CSMD1: variants seen among roughly 807,000 people sequenced by gnomAD.
CSMD1 encodes the protein CUB and sushi domain-containing protein 1.
CSMD1 carries 213 observed loss-of-function variants against 417.5 expected under a neutral mutation model. The ratio of observed to expected loss-of-function variants is 0.51; its 90% CI spans 0.46 to 0.57. The LOEUF is 0.57. Among genes scored for constraint, CSMD1 ranks in the 20% least tolerant of loss-of-function variants. CSMD1 has a pLI of 0.00. For missense variants in CSMD1, 6,923 were observed against 4,529.7 expected, an observed-to-expected ratio of 1.53 and a Z score of -15.17; for synonymous variants, 2,862 against 1,736.8, an observed-to-expected ratio of 1.65 and a Z score of -16.11.
chr8:4,284,689 A>C (rs1796965181), intron 3 of CSMD1, among the ~76,000 whole-genome samples: 1 of 152,192 alleles, frequency 6.6e-6, no homozygotes, highest in Non-Finnish European at 1.5e-5. Flanking sequence ...TGACAGATAT[A>C]AAACACTAAA....
chr8:3,792,971 G>A (rs1032167023), intron 5 of CSMD1, among the ~76,000 whole-genome samples: 3 of 152,084 alleles, frequency 2.0e-5, no homozygotes, highest in Non-Finnish European at 2.9e-5. Flanking sequence ...AAGGATCACC[G>A]TCTAGAACCA....
intron 3 of CSMD1, among the ~76,000 whole-genome samples, chr8:4,345,903 G>A (rs1309961584): frequency 1.3e-5 from 2 of 152,068 alleles, no homozygotes; most frequent in East Asian, 1.9e-4. Context: ...TGTGTATTCA[G>A]TCAAGACGTA....
At chr8:3,503,666 G>A (rs1023084974) in intron 10 of CSMD1, among the ~76,000 whole-genome samples, 1 of 152,184 alleles carries the variant, frequency 6.6e-6, no homozygotes, top group Admixed American at 6.5e-5. Context: ...GAGAGAATTA[G>A]TCTCAGCTCA....
At chr8:4,056,921 A>T (rs1334924220) in intron 3 of CSMD1, among the ~76,000 whole-genome samples, 2 of 152,130 alleles carry the variant, frequency 1.3e-5, no homozygotes, top group African/African-American at 2.4e-5. Context: ...ACACTTTCTT[A>T]ATCCAGTTTA....
intron 3 of CSMD1, among the ~76,000 whole-genome samples, chr8:4,407,519 T>A (rs1805116383): frequency 6.6e-6 from 1 of 152,196 alleles, no homozygotes; most frequent in Non-Finnish European, 1.5e-5. Context: ...TTTTACAGTG[T>A]TTAAATTCAG....
intron 3 of CSMD1, among the ~76,000 whole-genome samples, chr8:4,311,192 A>G (rs2128878780): frequency 6.6e-6 from 1 of 152,310 alleles, no homozygotes; most frequent in African/African-American, 2.4e-5. Flanking sequence ...ATAAAGACAC[A>G]TGCACGTGAA....
At chr8:4,026,699 T>C (rs1258504132) in intron 4 of CSMD1, among the ~76,000 whole-genome samples, 3 of 152,236 alleles carry the variant, frequency 2.0e-5, no homozygotes, top group Non-Finnish European at 4.4e-5. Flanking sequence ...AGACAAATGC[T>C]ATCTGAGAGA....
chr8:3,457,839 A>C (rs898089726), intron 12 of CSMD1, among the ~76,000 whole-genome samples: 1 of 152,226 alleles, frequency 6.6e-6, no homozygotes, highest in African/African-American at 2.4e-5. Flanking sequence ...CAGGGATCCC[A>C]GTGGTAAAGA....
At chr8:3,007,768 C>T (rs1273975270) in intron 52 of CSMD1, among the ~76,000 whole-genome samples, 6 of 108,092 alleles carry the variant, frequency 5.6e-5, no homozygotes, top group Admixed American at 4.3e-4. Flanking sequence ...CTGGGGACCG[C>T]TGTGGGGTGG....
chr8:4,088,865 C>T (rs748383301), intron 3 of CSMD1, among the ~76,000 whole-genome samples: 34 of 152,224 alleles, frequency 2.2e-4, no homozygotes, highest in Admixed American at 3.9e-4. Flanking sequence ...TCCATGACAC[C>T]GCTGTGTTCC....
At chr8:4,535,182 G>C (rs1797043411) in intron 2 of CSMD1, among the ~76,000 whole-genome samples, 1 of 152,080 alleles carries the variant, frequency 6.6e-6, no homozygotes, top group South Asian at 2.1e-4. Context: ...TCTATATAAG[G>C]TATATAAAGA....
Position 4,478,405 on chromosome 8 carries a change from T to G in CSMD1, c.303-58340A>C, listed in dbSNP as rs114210681. 3.1e-3 allele frequency among the ~76,000 whole-genome samples: 470 copies of G among 152,310 alleles called. 1 individual carries two copies. Among genetic ancestry groups the G allele is most frequent in the African/African-American group, 9.3e-3 (386 of 41,568 alleles). On this transcript the variant is annotated intron_variant, in intron 2 of 69. Transcript: ENST00000635120. ...CACAAGTCCAAAGTATTGAAATACTTTGTAAAGTTATATATCTTGTCAGTA... is the reference window on the plus strand; with the variant it reads ...CACAAGTCCAAAGTATTGAAATACTGTGTAAAGTTATATATCTTGTCAGTA...
At chr8:4,260,312 T>C (rs1466327639) in intron 3 of CSMD1, among the ~76,000 whole-genome samples, 1 of 152,244 alleles carries the variant, frequency 6.6e-6, no homozygotes, top group African/African-American at 2.4e-5. Flanking sequence ...TCCTCTTTTA[T>C]GATGTGTCTG....
intron 21 of CSMD1, among the ~76,000 whole-genome samples, chr8:3,350,977 C>T (rs1171893753): frequency 2.6e-5 from 4 of 152,192 alleles, no homozygotes; most frequent in Admixed American, 6.5e-5. Flanking sequence ...ACAGACAATG[C>T]TGCTGCTTTG....
chr8:4,368,772 C>A (rs1330295364), intron 3 of CSMD1, among the ~76,000 whole-genome samples: 1 of 152,092 alleles, frequency 6.6e-6, no homozygotes, highest in Non-Finnish European at 1.5e-5. Flanking sequence ...ATAATACTCT[C>A]AGGATTTTTT....
chr8:4,424,171 G>GA (rs1286056691), intron 2 of CSMD1, among the ~76,000 whole-genome samples: 1 of 151,898 alleles, frequency 6.6e-6, no homozygotes, highest in East Asian at 1.9e-4. Flanking sequence ...TTACAAACCA[G>GA]AAAAAGATAA....
chr8:4,793,335 T>C (rs1037201040), intron 1 of CSMD1, among the ~76,000 whole-genome samples: 6 of 152,198 alleles, frequency 3.9e-5, no homozygotes, highest in African/African-American at 1.4e-4. Context: ...ATTTTTATTA[T>C]AGTACTATAA....
intron 36 of CSMD1, among the ~76,000 whole-genome samples, chr8:3,181,569 G>A (rs1563118030): frequency 1.3e-5 from 2 of 152,086 alleles, no homozygotes; most frequent in African/African-American, 4.8e-5. Flanking sequence ...AAGTTCAACA[G>A]CCAAGAGTAA....
At chr8:4,005,392 C>T (rs559723342) in intron 4 of CSMD1, among the ~76,000 whole-genome samples, 7 of 152,250 alleles carry the variant, frequency 4.6e-5, no homozygotes, top group Admixed American at 1.3e-4. Context: ...CACACGTGGC[C>T]GGGTGGTCAC....
Sources: allele counts gnomAD v4.1 joint callset (sites outside exome capture counted in the v4.1 genomes callset), GRCh38; gene constraint gnomAD v4.1.1; transcripts MANE v1.5; gene names NCBI Gene and HGNC (gene_info 2026-07-23, HGNC 2026-07-21).